Variants in C10orf90 observed in about 807,000 individuals in gnomAD.
C10orf90 encodes (E2-independent) E3 ubiquitin-conjugating enzyme FATS.
A neutral mutation model predicts 62.5 loss-of-function variants in C10orf90; 56 were observed. The ratio of observed to expected loss-of-function variants is 0.90; its 90% CI spans 0.72 to 1.12. The LOEUF (loss-of-function observed/expected upper bound fraction) is 1.12, where lower values mean the gene tolerates loss of function less well. Ranked by LOEUF, C10orf90 falls within the 50% of genes most tolerant of loss-of-function variation. The pLI is 0.00. For synonymous variants in C10orf90, 386 were observed against 340.4 expected (o/e 1.13, Z -1.47); for missense variants, 970 against 880.4 (o/e 1.10, Z -1.29).
intron 4 of C10orf90, among the ~76,000 whole-genome samples, chr10:126,496,051 T>G (rs1031986960): frequency 6.6e-6 from 1 of 152,214 alleles, no homozygotes; most frequent in African/African-American, 2.4e-5. Context: ...GGTTACCCTG[T>G]TACCCACTGT....
In C10orf90 at chr10:126,606,751, T is replaced by C. The variant is rs146876399; in HGVS notation, c.313+39814A>G. ...CCTGATTGAATGAAGTTCAATCATTTCCATAACGTAGCTGCTTTTGTTGGG... is the reference window on the plus strand; with the variant it reads ...CCTGATTGAATGAAGTTCAATCATTCCCATAACGTAGCTGCTTTTGTTGGG... On this transcript the variant is annotated intron_variant, in intron 2 of 9. Transcript: ENST00000488181. Among the ~76,000 whole-genome samples, 1,182 of 152,302 alleles carry C rather than the reference T, an allele frequency of 7.8e-3. 11 individuals are homozygous for C. Among genetic ancestry groups the C allele is most frequent in the African/African-American group, 0.025 (1,058 of 41,552 alleles).
At chr10:126,564,866 TTATATATAATATATAAA>T (rs1844274387) in intron 2 of C10orf90, among the ~76,000 whole-genome samples, 1 of 3,432 alleles carries the variant, frequency 2.9e-4, no homozygotes, top group African/African-American at 6.6e-4. Flanking sequence ...AAAATATATA[TTATATATAATATATAAA>T]ATATATTATA....
intron 2 of C10orf90, among the ~76,000 whole-genome samples, chr10:126,568,834 T>C (rs1844446167): frequency 6.6e-6 from 1 of 151,904 alleles, no homozygotes; most frequent in Non-Finnish European, 1.5e-5. Flanking sequence ...GGCAGGAGGA[T>C]CTCCAGGAGG....
chr10:126,514,162 C>A (rs1863298974), intron 2 of C10orf90, among the ~76,000 whole-genome samples: 1 of 152,146 alleles, frequency 6.6e-6, no homozygotes, highest in Non-Finnish European at 1.5e-5. Context: ...TGCAAGATTT[C>A]TTCTTCCATA....
At chr10:126,660,414 G>C (rs184243976) in intron 1 of C10orf90, among the ~76,000 whole-genome samples, 1 of 152,178 alleles carries the variant, frequency 6.6e-6, no homozygotes, top group East Asian at 1.9e-4. Context: ...AGCAAACAAC[G>C]TATTGTGAGC....
In C10orf90 at chr10:126,453,619, G is replaced by T. The variant is rs1457990708; in HGVS notation, c.2188+5421C>A. Among the ~76,000 whole-genome samples the T allele has an allele frequency of 6.6e-6, 1 of 152,172 alleles. No individual in the cohort carries two copies. The highest frequency in any genetic ancestry group is 6.5e-5 in the Admixed American group (1 of 15,284). On this transcript the variant is annotated intron_variant, in intron 7 of 9. Transcript: ENST00000488181. The surrounding 1 kb of genome is among the most constrained non-coding windows in gnomAD (Gnocchi z 4.9). ...AGCTGAGAACAGAAGGGGGCAACGT[G>T]GGCTGAGTTTGAGCACTGTCAGGCT...
chr10:126,613,697 T>C (rs1040560611), intron 2 of C10orf90, among the ~76,000 whole-genome samples: 26 of 152,214 alleles, frequency 1.7e-4, no homozygotes, highest in African/African-American at 6.0e-4. Context: ...CTAGGTCTTG[T>C]TTTAAAGATG....
intron 5 of C10orf90, among the ~76,000 whole-genome samples, chr10:126,462,159 C>G (rs1206586058): frequency 2.0e-5 from 3 of 152,156 alleles, no homozygotes; most frequent in African/African-American, 7.2e-5. Context: ...CCAACAGCAT[C>G]TCAGGCAAGA....
intron 1 of C10orf90, among the ~76,000 whole-genome samples, chr10:126,664,313 C>T (rs1252021505): frequency 5.3e-5 from 8 of 152,146 alleles, no homozygotes; most frequent in Non-Finnish European, 8.8e-5. Flanking sequence ...GGTTACAATT[C>T]GCCTGCACCC....
intron 2 of C10orf90, among the ~76,000 whole-genome samples, chr10:126,572,088 G>A (rs1844518107): frequency 6.6e-6 from 1 of 152,176 alleles, no homozygotes; most frequent in Non-Finnish European, 1.5e-5. Context: ...GCTACGACCT[G>A]CTGGGCTGTA....
intron 2 of C10orf90, among the ~76,000 whole-genome samples, chr10:126,532,752 G>A (rs1426405784): frequency 6.9e-6 from 1 of 144,662 alleles, no homozygotes; most frequent in Non-Finnish European, 1.5e-5. Context: ...CAGGAGAATG[G>A]CGTGAACCCG....
At chr10:126,590,895 A>G (rs1043786521) in intron 2 of C10orf90, among the ~76,000 whole-genome samples, 2 of 152,236 alleles carry the variant, frequency 1.3e-5, no homozygotes, top group Admixed American at 6.5e-5. Flanking sequence ...AAAAACAGCC[A>G]TCAGAGAATG....
intron 2 of C10orf90, among the ~76,000 whole-genome samples, chr10:126,555,759 T>G (rs1864755779): frequency 6.6e-6 from 1 of 151,774 alleles, no homozygotes; most frequent in African/African-American, 2.4e-5. Context: ...TCCTCCAAAT[T>G]TACACTTGGG....
chr10:126,617,347 G>T (rs1845561805), intron 2 of C10orf90, among the ~76,000 whole-genome samples: 1 of 152,094 alleles, frequency 6.6e-6, no homozygotes, highest in African/African-American at 2.4e-5. Flanking sequence ...TGCAGTTTTG[G>T]CAAGAATGAA....
intron 4 of C10orf90, 131 bp from the exon 5 acceptor site, chr10:126,465,117 G>A (rs1359809365): frequency 1.1e-6 from 1 of 880,224 alleles, no homozygotes; most frequent in Non-Finnish European, 1.7e-6. Flanking sequence ...TCAGTTAGGA[G>A]GGCCATCTGT....
chr10:126,499,004 A>G (rs1862235429), intron 4 of C10orf90, among the ~76,000 whole-genome samples: 1 of 152,268 alleles, frequency 6.6e-6, no homozygotes, highest in African/African-American at 2.4e-5. Flanking sequence ...GGAACAGGGT[A>G]AAGTTTACCT....
chr10:126,642,394 T>C (rs570401770), intron 2 of C10orf90, among the ~76,000 whole-genome samples: 2 of 151,862 alleles, frequency 1.3e-5, no homozygotes, highest in African/African-American at 2.4e-5. Flanking sequence ...TAGCCGGGCG[T>C]GGTGGCGGGC....
At chr10:126,636,305 G>A (rs1036452699) in intron 2 of C10orf90, among the ~76,000 whole-genome samples, 2 of 152,110 alleles carry the variant, frequency 1.3e-5, no homozygotes, top group Non-Finnish European at 2.9e-5. Flanking sequence ...CCTGCCTACC[G>A]CATTTCACCA....
chr10:126,628,605 A>T (rs144367116), intron 2 of C10orf90, among the ~76,000 whole-genome samples: 3 of 152,198 alleles, frequency 2.0e-5, no homozygotes, highest in Non-Finnish European at 4.4e-5. Flanking sequence ...AGGCTCCCCA[A>T]TGCAAGGCAA....
Sources: allele counts gnomAD v4.1 joint callset (sites outside exome capture counted in the v4.1 genomes callset), GRCh38; gene constraint gnomAD v4.1.1; non-coding constraint Gnocchi (gnomAD v3.1); transcripts MANE v1.5; gene names NCBI Gene and HGNC (gene_info 2026-07-23, HGNC 2026-07-21).